USP15: variants seen among roughly 807,000 people sequenced by gnomAD.
USP15 encodes the protein ubiquitin specific peptidase 15.
A neutral mutation model predicts 127.1 loss-of-function variants in USP15; 18 were observed. The observed-to-expected ratio is 0.14, with a 90% CI of 0.10 to 0.21. The LOEUF (loss-of-function observed/expected upper bound fraction) is 0.21. USP15 is among the 10% of genes least tolerant of loss of function. The pLI is 1.00. For missense variants in USP15, 805 were observed against 1,159.9 expected (o/e 0.69, Z 4.44); for synonymous variants, 364 against 393.7 (o/e 0.92, Z 0.89).
intron 20 of USP15, 105 bp downstream of exon 20, chr12:62,396,503 G>A (rs533968785): frequency 2.1e-6 from 2 of 965,734 alleles, no homozygotes; most frequent in East Asian, 5.5e-5. Flanking sequence ...TATCAGATGT[G>A]TCTTGCATAT....
chr12:62,321,008 A>G (rs1354452054), intron 4 of USP15, among the ~76,000 whole-genome samples: 1 of 152,074 alleles, frequency 6.6e-6, no homozygotes, highest in Non-Finnish European at 1.5e-5. Context: ...GTGTCCATAT[A>G]TTCTAGTGAG....
rs1348916689 is a variant in USP15, at chr12:62,408,679, G to A, written c.*4304G>A. The A allele has an allele frequency of 3.3e-5, 5 of 152,080 alleles. No homozygotes were observed. The highest frequency in any genetic ancestry group is 1.2e-4 in the African/African-American group (5 of 41,426). The allele number at this position is 152,080 out of a possible 1,614,324, so 9.4% of individuals were successfully genotyped here. ...TCTTCTAAGTACCACTTGACCAGAG[G>A]ATAGGGAAAGGAGGAAAAGGTGAGT... On this transcript the variant is annotated 3_prime_UTR_variant, in exon 22 of 22. Transcript: ENST00000280377.
intron 1 of USP15, among the ~76,000 whole-genome samples, chr12:62,280,338 T>C (rs1263279477): frequency 6.6e-6 from 1 of 152,182 alleles, no homozygotes; most frequent in Non-Finnish European, 1.5e-5. Context: ...ATGTGAAAGA[T>C]TATAGTTGTT....
rs1592555069 is a variant in USP15 at position 62,309,247 on chromosome 12, ACAT to A, written c.349-5539_349-5537del. ...ACCTATATTGCGAATGAAAAAGGAA[ACAT>A]CATAGCAGAGTCTAAAGACTTTTTT... On this transcript the variant is annotated intron_variant, in intron 3 of 21. Coordinates refer to ENST00000280377, the MANE Select transcript of USP15 (RefSeq NM_001252078.2). 2.6e-5 allele frequency among the ~76,000 whole-genome samples: 4 copies of A among 152,254 alleles called. No homozygotes were observed. In the South Asian group the frequency reaches 6.2e-4, roughly 24 times the overall value.
intron 8 of USP15, among the ~76,000 whole-genome samples, chr12:62,357,061 A>G (rs993434925): frequency 6.6e-6 from 1 of 151,908 alleles, no homozygotes; most frequent in East Asian, 1.9e-4. Flanking sequence ...TTTTTTTCCT[A>G]GTTTAGAAAA....
At chr12:62,323,803 A>G (rs2065055480) in intron 5 of USP15, among the ~76,000 whole-genome samples, 1 of 152,178 alleles carries the variant, frequency 6.6e-6, no homozygotes, top group Non-Finnish European at 1.5e-5. Context: ...TGAGACTCAG[A>G]GAAGTTAAAT....
At chr12:62,305,625 G>A (rs1043986145) in intron 3 of USP15, 2 of 152,186 alleles carry the variant, frequency 1.3e-5, no homozygotes, top group African/African-American at 4.8e-5. Flanking sequence ...AATGTTGTGA[G>A]TAAGTCTTAA....
chr12:62,289,386 T>C (rs73135275), intron 1 of USP15, among the ~76,000 whole-genome samples: 16,271 of 152,190 alleles, frequency 0.11, 939 homozygotes, highest in Middle Eastern at 0.17. Flanking sequence ...TTCTAGTTTG[T>C]GCATGTAGTG....
intron 4 of USP15, among the ~76,000 whole-genome samples, chr12:62,319,322 T>C (rs1029069235): frequency 6.6e-6 from 1 of 152,092 alleles, no homozygotes; most frequent in Non-Finnish European, 1.5e-5. Context: ...CCTCAAACAC[T>C]GGGGATTACA....
chr12:62,384,791 A>G (rs1437582813), intron 11 of USP15, among the ~76,000 whole-genome samples: 1 of 151,842 alleles, frequency 6.6e-6, no homozygotes, highest in East Asian at 1.9e-4. Context: ...TATTTTGTTC[A>G]GTGATGTTCT....
At chr12:62,316,706 T>C (rs1441664998) in intron 4 of USP15, among the ~76,000 whole-genome samples, 1 of 152,070 alleles carries the variant, frequency 6.6e-6, no homozygotes, top group Non-Finnish European at 1.5e-5. Context: ...ATCAGAGATA[T>C]TATTTTAGAA....
intron 19 of USP15, chr12:62,393,633 AG>A (rs1389722389): frequency 6.5e-6 from 1 of 153,712 alleles, no homozygotes; most frequent in African/African-American, 2.4e-5. Flanking sequence ...TCTGTTGCCC[AG>A]GCTGGAGTGC....
At chr12:62,315,530 A>G (rs1025662700) in intron 4 of USP15, among the ~76,000 whole-genome samples, 2 of 152,184 alleles carry the variant, frequency 1.3e-5, no homozygotes, top group Non-Finnish European at 2.9e-5. Flanking sequence ...TTTAATAAAA[A>G]TTACATGGTT....
intron 6 of USP15, among the ~76,000 whole-genome samples, chr12:62,343,674 C>T (rs2065720387): frequency 6.6e-6 from 1 of 152,174 alleles, no homozygotes; most frequent in African/African-American, 2.4e-5. Context: ...CCTTGCACTT[C>T]CCTGGTGAAG....
At chr12:62,355,825 C>CTTTTTTTTTTTTTT (rs201572809) in intron 8 of USP15, among the ~76,000 whole-genome samples, 3 of 124,404 alleles carry the variant, frequency 2.4e-5, no homozygotes, top group Admixed American at 8.2e-5. Context: ...CTTTTTTTTT[C>CTTTTTTTTTTTTTT]TTTTTTTTTT....
intron 1 of USP15, among the ~76,000 whole-genome samples, chr12:62,266,360 C>T (rs771361906): frequency 1.3e-5 from 2 of 151,996 alleles, no homozygotes; most frequent in Non-Finnish European, 2.9e-5. Flanking sequence ...GGACTTAAAT[C>T]CATATGAACC....
chr12:62,353,868 G>T (rs966497855), intron 7 of USP15, among the ~76,000 whole-genome samples: 5 of 151,948 alleles, frequency 3.3e-5, no homozygotes, highest in African/African-American at 1.2e-4. Flanking sequence ...TATATTTTTT[G>T]TGTTTTGTTT....
chr12:62,344,322 G>A (rs1006805906), intron 6 of USP15, among the ~76,000 whole-genome samples: 2 of 152,158 alleles, frequency 1.3e-5, no homozygotes, highest in South Asian at 2.1e-4. Flanking sequence ...GTGCAAGTCC[G>A]AAATCCAGCA....
At chr12:62,314,664 G>T in intron 3 of USP15, 126 bp from the exon 4 acceptor site, 1 of 909,492 alleles carries the variant, frequency 1.1e-6, no homozygotes, top group Non-Finnish European at 1.5e-6. Context: ...TATATTGGCA[G>T]GCTTTAATAG....
Sources: allele counts gnomAD v4.1 joint callset (sites outside exome capture counted in the v4.1 genomes callset), GRCh38; gene constraint gnomAD v4.1.1; transcripts MANE v1.5; gene names NCBI Gene and HGNC (gene_info 2026-07-23, HGNC 2026-07-21).